PLCE1: variants seen among roughly 807,000 people sequenced by gnomAD.
PLCE1 encodes 1-phosphatidylinositol 4,5-bisphosphate phosphodiesterase epsilon-1.
A neutral mutation model predicts 242.8 loss-of-function variants in PLCE1; 119 were observed. That is an observed-to-expected ratio of 0.49 (90% confidence interval 0.42 to 0.57). The LOEUF is 0.57. Ranked by LOEUF, PLCE1 falls within the 20% of genes least tolerant of loss-of-function variation. PLCE1 has a pLI of 0.00. For synonymous variants in PLCE1, 945 were observed against 1,017.4 expected (o/e 0.93, Z 1.35); for missense variants, 2,441 against 2,788.8 (o/e 0.88, Z 2.81).
At chr10:94,266,510 AG>A (rs2051522642) in intron 16 of PLCE1, among the ~76,000 whole-genome samples, 1 of 152,222 alleles carries the variant, frequency 6.6e-6, no homozygotes, top group Non-Finnish European at 1.5e-5. Context: ...TTTGAAACTC[AG>A]TAGGTTCTCT....
At chr10:94,165,458 C>T (rs1361685290) in intron 3 of PLCE1, among the ~76,000 whole-genome samples, 1 of 152,188 alleles carries the variant, frequency 6.6e-6, no homozygotes, top group East Asian at 1.9e-4. Flanking sequence ...CCTGGTGTGC[C>T]ATTTGCTCAG....
chr10:94,037,778 C>G (rs952676651), intron 2 of PLCE1, among the ~76,000 whole-genome samples: 1 of 152,096 alleles, frequency 6.6e-6, no homozygotes. Flanking sequence ...AATGTCCCCC[C>G]GCATCTCTGT....
intron 4 of PLCE1, among the ~76,000 whole-genome samples, chr10:94,220,312 C>T (rs2049681980): frequency 6.9e-6 from 1 of 144,514 alleles, no homozygotes; most frequent in Admixed American, 7.1e-5. Context: ...AGTTTGTGGC[C>T]ATCCTGGGCA....
At position 94,328,548 on chromosome 10, in the gene PLCE1, T is replaced by G. The variant is rs2054113653; in HGVS notation, c.*605T>G. The G allele has an allele frequency of 6.6e-6, 1 of 152,274 alleles. No individual in the cohort carries two copies. The highest frequency in any genetic ancestry group is 1.5e-5 in the Non-Finnish European group (1 of 68,106). 9.4% of individuals were successfully genotyped at this position (152,274 alleles called of 1,614,324 possible). A position where few individuals can be genotyped will look rare whatever the true frequency, so the allele number is the denominator to read the frequency against. On this transcript the variant is annotated 3_prime_UTR_variant, in exon 33 of 33. Transcript: ENST00000371380. The stretch of plus-strand genomic sequence containing the variant: ...AAGGACCTTAATTTGCCAACACAAC[T>G]AAGAGAAGAGAACTGGGAACAAGGA...
Position 94,298,537 on chromosome 10 carries a change from C to G in PLCE1, c.5326C>G (p.Leu1776Val). The change falls in exon 24 of 33, where the codon CTG (leucine) becomes GTG (valine). Residue 1776 changes from leucine to valine, a missense_variant. By Grantham distance (32) the Leu-to-Val change is conservative. This residue lies in a region of PLCE1 where 1,004 missense variants were observed against 1,322.7 expected (regional missense o/e 0.76). Transcript: ENST00000371380. This position sits in a 1 kb window ranked among gnomAD's most constrained non-coding sequence, Gnocchi z 5.2. ...KRLCRRYSQK[L>V]TQHTACQLLR... ...TCTGTGTCGCAGGTATTCTCAGAAACTGACCCAGCACACCGCCTGTCAGCT... is the reference window on the plus strand; with the variant it reads ...TCTGTGTCGCAGGTATTCTCAGAAAGTGACCCAGCACACCGCCTGTCAGCT... The G allele has an allele frequency of 3.7e-6, 6 of 1,614,092 alleles. No homozygotes were observed. The highest frequency in any genetic ancestry group is 5.1e-6 in the Non-Finnish European group (6 of 1,180,004).
intron 2 of PLCE1, among the ~76,000 whole-genome samples, chr10:94,072,352 C>T (rs531691960): frequency 4.6e-5 from 7 of 152,106 alleles, no homozygotes; most frequent in Non-Finnish European, 7.4e-5. Context: ...TCTCAGCTCA[C>T]TGCAAGCTCT....
In PLCE1 at chr10:94,279,388, A is replaced by AG. The variant is rs1231191510; in HGVS notation, c.4666-390dup. ...GGAGCCTGTAGATATTATTTTAAGA[A>AG]GGGGAAAAAATGGTTTCTTAACAGA... On this transcript the variant is annotated intron_variant, in intron 19 of 32. Coordinates refer to ENST00000371380, the MANE Select transcript of PLCE1 (RefSeq NM_016341.4). The AG allele has an allele frequency of 5.5e-5, 14 of 254,728 alleles. No homozygotes were observed. In the Admixed American group the frequency reaches 7.1e-4, roughly 13 times the overall value. The allele number at this position is 254,728 out of a possible 1,614,324, so 15.8% of individuals were successfully genotyped here. A position where few individuals can be genotyped will look rare whatever the true frequency, so the allele number is the denominator to read the frequency against.
intron 2 of PLCE1, among the ~76,000 whole-genome samples, chr10:94,054,886 C>T (rs886696612): frequency 1.3e-5 from 2 of 151,900 alleles, no homozygotes; most frequent in African/African-American, 4.8e-5. Context: ...GTGGTGGGTG[C>T]CTGTAATCCC....
Position 94,328,709 on chromosome 10 carries a change from T to G in PLCE1, c.*766T>G, listed in dbSNP as rs985184118. 2.6e-5 allele frequency: 4 copies of G among 152,230 alleles called. No homozygotes were observed. Among genetic ancestry groups the G allele is most frequent in the African/African-American group, 9.6e-5 (4 of 41,464 alleles). The allele number at this position is 152,230 out of a possible 1,614,324, so 9.4% of individuals were successfully genotyped here. ...AACATAAGAGTCATTAAAATTCAAT[T>G]TAGTTCCTGTATTGTGTACCACAGT... On this transcript the variant is annotated 3_prime_UTR_variant, in exon 33 of 33. Transcript: ENST00000371380.
intron 4 of PLCE1, among the ~76,000 whole-genome samples, chr10:94,215,203 C>T (rs142278519): frequency 0.012 from 1,854 of 152,308 alleles, 24 homozygotes; most frequent in Non-Finnish European, 0.017. Context: ...ATGATCCTGC[C>T]TTACTTCCTG....
rs1346468235 is a variant in PLCE1 at position 94,277,382 on chromosome 10, T to G, written c.4666-2400T>G. On this transcript the variant is annotated intron_variant, in intron 19 of 32. Transcript: ENST00000371380. ...AACCACAACCTATATCCGAGTTACT[T>G]TTATTCAGGGGCTGAGGTCCCATTT... is the stretch of plus-strand genomic sequence containing the variant. Among the ~76,000 whole-genome samples, 4 of 152,186 alleles carry G rather than the reference T, an allele frequency of 2.6e-5. No homozygotes were observed. The East Asian group carries it at 7.7e-4, about 29-fold the overall frequency.
chr10:94,027,059 G>T (rs1472382354), intron 1 of PLCE1, among the ~76,000 whole-genome samples: 1 of 152,244 alleles, frequency 6.6e-6, no homozygotes, highest in Middle Eastern at 3.4e-3. Context: ...AGACCCCAAT[G>T]TCTGACTGTT....
chr10:94,236,266 A>T (rs72814630), intron 7 of PLCE1, 146 bp downstream of exon 7: 253 of 680,158 alleles, frequency 3.7e-4, no homozygotes, highest in Non-Finnish European at 5.9e-4. Flanking sequence ...TTATCTTCAA[A>T]CCTTACCAAT....
At chr10:94,207,132 C>T (rs1167971734) in intron 4 of PLCE1, among the ~76,000 whole-genome samples, 1 of 152,186 alleles carries the variant, frequency 6.6e-6, no homozygotes, top group Non-Finnish European at 1.5e-5. Context: ...CTTTGTTTCT[C>T]AGCATGGAGG....
At position 94,179,522 on chromosome 10, in the gene PLCE1, T is replaced by TGTTTTTTGTTTTTTG. The variant is rs2048236197; in HGVS notation, c.1809+8026_1809+8027insGTTTTTTGTTTTTTG. 2.6e-4 allele frequency among the ~76,000 whole-genome samples: 5 copies of TGTTTTTTGTTTTTTG among 19,076 alleles called. No homozygotes were observed. The South Asian group carries it at 8.7e-3, about 33-fold the overall frequency. The allele number at this position is 19,076 out of a possible 152,430, so 12.5% of individuals were successfully genotyped here. A position where few individuals can be genotyped will look rare whatever the true frequency, so the allele number is the denominator to read the frequency against. On this transcript the variant is annotated intron_variant, in intron 4 of 32. Coordinates refer to ENST00000371380, the MANE Select transcript of PLCE1 (RefSeq NM_016341.4). ...TTTTATTTTAGTTTAGTTTTTTTTT[T>TGTTTTTTGTTTTTTG]TTTTTTTTGACAGGGTCTCTGTTGC...
chr10:94,245,985 C>G lies in PLCE1; in HGVS notation c.2460C>G (p.Ile820Met). The G allele has an allele frequency of 6.2e-7, 1 of 1,614,106 alleles. No homozygotes were observed. Among genetic ancestry groups the G allele is most frequent in the South Asian group, 1.1e-5 (1 of 91,070 alleles). Residue 820 changes from isoleucine to methionine, a missense_variant, in exon 8 of 33, where the codon ATC (isoleucine) becomes ATG (methionine). Around this residue, in one of 5 missense-constraint regions of PLCE1, gnomAD observed 733 missense variants for 754.2 expected, o/e 0.97. Transcript: ENST00000371380. ...IGDLLDSDND[I>M]FEQSKEYDSH... Reference sequence around the variant, plus strand: ...ATTTGTTGGATTCAGACAATGACATCTTTGAGCAATCCAAAGAATACGACT... The same window carrying G: ...ATTTGTTGGATTCAGACAATGACATGTTTGAGCAATCCAAAGAATACGACT...
intron 2 of PLCE1, among the ~76,000 whole-genome samples, chr10:94,058,379 G>A (rs1455358641): frequency 6.6e-6 from 1 of 152,182 alleles, no homozygotes; most frequent in African/African-American, 2.4e-5. Flanking sequence ...TCACAAGTGT[G>A]TTCTGTGGAA....
At chr10:94,273,241 C>T (rs572620843) in intron 18 of PLCE1, among the ~76,000 whole-genome samples, 1 of 152,324 alleles carries the variant, frequency 6.6e-6, no homozygotes, top group South Asian at 2.1e-4. Flanking sequence ...CCTTATTCTA[C>T]AAACAACAGC....
At chr10:94,091,286 A>G (rs939978198) in intron 2 of PLCE1, among the ~76,000 whole-genome samples, 1 of 152,212 alleles carries the variant, frequency 6.6e-6, no homozygotes, top group Non-Finnish European at 1.5e-5. Context: ...TGGTTGAAAA[A>G]AATTCAAACA....
Sources: allele counts gnomAD v4.1 joint callset (sites outside exome capture counted in the v4.1 genomes callset), GRCh38; gene constraint gnomAD v4.1.1; regional missense constraint gnomAD v4.1.1; non-coding constraint Gnocchi (gnomAD v3.1); transcripts MANE v1.5; gene names NCBI Gene and HGNC (gene_info 2026-07-23, HGNC 2026-07-21).